Variants in XRCC4 observed in about 807,000 individuals in gnomAD.
XRCC4 encodes the protein X-ray repair cross complementing 4.
In XRCC4, 28 loss-of-function variants were observed where a neutral mutation model predicts 39.1. The ratio of observed to expected loss-of-function variants is 0.72; its 90% CI spans 0.53 to 0.98. The LOEUF is 0.98. XRCC4 is among the 50% of genes least tolerant of loss of function. The pLI, the probability that XRCC4 is intolerant of heterozygous loss-of-function variation, is 0.00. For missense variants in XRCC4, 350 were observed against 376.4 expected (o/e 0.93, Z 0.58); for synonymous variants, 123 against 126.4 (o/e 0.97, Z 0.18).
intron 7 of XRCC4, among the ~76,000 whole-genome samples, chr5:83,347,107 A>G (rs915816883): frequency 6.6e-6 from 1 of 152,226 alleles, no homozygotes; most frequent in Non-Finnish European, 1.5e-5. Context: ...AACTAATAGT[A>G]CATCAAAATT....
At chr5:83,273,767 T>C (rs867293169) in intron 7 of XRCC4, among the ~76,000 whole-genome samples, 1 of 152,168 alleles carries the variant, frequency 6.6e-6, no homozygotes, top group Non-Finnish European at 1.5e-5. Context: ...TTCTGTTGCA[T>C]TGGTCTATAT....
intron 1 of XRCC4, among the ~76,000 whole-genome samples, chr5:83,086,008 A>G (rs1022298509): frequency 1.5e-4 from 23 of 152,340 alleles, no homozygotes; most frequent in African/African-American, 5.5e-4. Flanking sequence ...AGAAGTTTAA[A>G]CTTAGCAATT....
At chr5:83,090,722 C>T (rs1201590626) in intron 1 of XRCC4, among the ~76,000 whole-genome samples, 2 of 152,108 alleles carry the variant, frequency 1.3e-5, no homozygotes, top group South Asian at 2.1e-4. Flanking sequence ...ATTATAAACT[C>T]AGGTGTAATT....
At chr5:83,163,546 T>G (rs1003169158) in intron 3 of XRCC4, among the ~76,000 whole-genome samples, 1 of 152,206 alleles carries the variant, frequency 6.6e-6, no homozygotes, top group Non-Finnish European at 1.5e-5. Context: ...TTAGATAAAT[T>G]CAGGGAGAAG....
At chr5:83,269,846 A>G (rs1027536933) in intron 7 of XRCC4, among the ~76,000 whole-genome samples, 6 of 151,384 alleles carry the variant, frequency 4.0e-5, no homozygotes, top group African/African-American at 7.3e-5. Flanking sequence ...GTGGAAGACA[A>G]TTTTTCCATG....
intron 3 of XRCC4, among the ~76,000 whole-genome samples, chr5:83,187,887 A>G (rs1202037655): frequency 6.6e-6 from 1 of 152,152 alleles, no homozygotes; most frequent in East Asian, 1.9e-4. Context: ...GTCATGTGTG[A>G]CTAGTGATGA....
intron 7 of XRCC4, among the ~76,000 whole-genome samples, chr5:83,270,409 A>T (rs559789066): frequency 2.0e-5 from 3 of 152,082 alleles, no homozygotes; most frequent in Non-Finnish European, 4.4e-5. Context: ...CTCATACTTC[A>T]TGCTTCTAAA....
At chr5:83,111,607 A>G (rs1746449386) in intron 3 of XRCC4, among the ~76,000 whole-genome samples, 1 of 152,096 alleles carries the variant, frequency 6.6e-6, no homozygotes, top group Non-Finnish European at 1.5e-5. Flanking sequence ...ATTATGACTT[A>G]TTTTCTACTT....
intron 6 of XRCC4, among the ~76,000 whole-genome samples, chr5:83,256,468 T>A (rs1753541260): frequency 6.6e-6 from 1 of 152,162 alleles, no homozygotes; most frequent in South Asian, 2.1e-4. Flanking sequence ...TTCCTAGATA[T>A]CCGCTGTGAC....
intron 3 of XRCC4, among the ~76,000 whole-genome samples, chr5:83,135,374 T>C (rs1165137547): frequency 6.6e-6 from 1 of 150,640 alleles, no homozygotes; most frequent in Non-Finnish European, 1.5e-5. Context: ...TTATCTTTCT[T>C]ATCTAAGGCA....
chr5:83,262,997 C>G (rs1250578870), intron 7 of XRCC4, among the ~76,000 whole-genome samples: 1 of 124,778 alleles, frequency 8.0e-6, no homozygotes, highest in African/African-American at 2.9e-5. Context: ...TCCCCCCCTC[C>G]CCCCACCCCA....
At chr5:83,120,429 GT>G (rs1345115837) in intron 3 of XRCC4, among the ~76,000 whole-genome samples, 1 of 152,130 alleles carries the variant, frequency 6.6e-6, no homozygotes, top group African/African-American at 2.4e-5. Flanking sequence ...CCAACTACCT[GT>G]TTTCTTCTCC....
intron 6 of XRCC4, among the ~76,000 whole-genome samples, chr5:83,212,424 G>A (rs755032710): frequency 6.6e-6 from 1 of 151,874 alleles, no homozygotes; most frequent in East Asian, 1.9e-4. Context: ...GGAATGAAGA[G>A]CAAAAAAGAT....
intron 7 of XRCC4, among the ~76,000 whole-genome samples, chr5:83,327,135 T>G (rs1050887368): frequency 6.6e-6 from 1 of 152,074 alleles, no homozygotes; most frequent in Non-Finnish European, 1.5e-5. Flanking sequence ...TTTTGACAAA[T>G]TTATATAGTC....
intron 3 of XRCC4, among the ~76,000 whole-genome samples, chr5:83,190,978 A>G (rs1004706807): frequency 6.6e-6 from 1 of 152,080 alleles, no homozygotes; most frequent in African/African-American, 2.4e-5. Flanking sequence ...TACCTATCCT[A>G]TTGTAGTTAT....
At chr5:83,163,693 A>G (rs1038629842) in intron 3 of XRCC4, among the ~76,000 whole-genome samples, 3 of 152,172 alleles carry the variant, frequency 2.0e-5, no homozygotes, top group African/African-American at 7.2e-5. Context: ...ATTTTGCACC[A>G]CTGATTCTTA....
intron 3 of XRCC4, among the ~76,000 whole-genome samples, chr5:83,161,111 A>AT (rs5869165): frequency 0.19 from 27,168 of 142,818 alleles, 3,093 homozygotes; most frequent in Non-Finnish European, 0.27. Flanking sequence ...AGTTCTTTTA[A>AT]TTTTTTTTTT....
At chr5:83,356,293 A>G (rs1173496454), downstream of XRCC4, among the ~76,000 whole-genome samples, 1 of 152,052 alleles carries the variant, frequency 6.6e-6, no homozygotes, top group Non-Finnish European at 1.5e-5. Flanking sequence ...ACTAACCAAA[A>G]TTAGTATACA....
chr5:83,107,639 C>T (rs572540977), intron 2 of XRCC4, among the ~76,000 whole-genome samples: 11 of 151,882 alleles, frequency 7.2e-5, no homozygotes, highest in South Asian at 6.2e-4. Context: ...GGTTAATGAT[C>T]GATGACTCTG....
Sources: gnomAD v4.1 joint callset for allele counts (sites outside exome capture counted in the v4.1 genomes callset) on GRCh38, gnomAD v4.1.1 for gene constraint, MANE v1.5 for transcripts, NCBI Gene and HGNC (gene_info 2026-07-23, HGNC 2026-07-21) for gene names.